The following CRAMP1 variants were observed in gnomAD, a reference collection of about 807,000 sequenced individuals.
The protein encoded by CRAMP1 is cramped chromatin regulator 1, also known as protein cramped-like.
Under a neutral mutation model 115.4 loss-of-function variants are expected in CRAMP1, and 50 were observed. That is an observed-to-expected ratio of 0.43 (90% CI 0.35 to 0.55). CRAMP1 has a LOEUF of 0.55. Ranked by LOEUF, CRAMP1 falls within the 20% of genes least tolerant of loss-of-function variation. The pLI, the probability that CRAMP1 is intolerant of heterozygous loss-of-function variation, is 0.01. For missense variants in CRAMP1, 1,679 were observed against 1,721.7 expected (o/e 0.98, Z 0.44); for synonymous variants, 866 against 745.4 (o/e 1.16, Z -2.64).
At chr16:1,653,389 G>A (rs543748333) in intron 8 of CRAMP1, among the ~76,000 whole-genome samples, 15 of 152,302 alleles carry the variant, frequency 9.8e-5, no homozygotes, top group Non-Finnish European at 1.6e-4. Context: ...AGGGGATGTC[G>A]CGGTGAGAAG....
chr16:1,648,084 T>C (rs1377383094), intron 6 of CRAMP1, among the ~76,000 whole-genome samples: 2 of 151,314 alleles, frequency 1.3e-5, no homozygotes, highest in Non-Finnish European at 2.9e-5. Context: ...AATGGTTCCA[T>C]ATGAATGCAG....
At chr16:1,673,082 T>C (rs1055900782) in intron 20 of CRAMP1, among the ~76,000 whole-genome samples, 20 of 151,936 alleles carry the variant, frequency 1.3e-4, no homozygotes, top group African/African-American at 4.1e-4. Context: ...CCACCTGTCC[T>C]CATTTCTCTG....
intron 9 of CRAMP1, 43 bp from the exon 10 acceptor site, chr16:1,655,834 C>A (rs778427945): frequency 1.3e-6 from 2 of 1,571,208 alleles, no homozygotes; most frequent in Non-Finnish European, 1.7e-6. Flanking sequence ...AGCATCCCGA[C>A]CTCAGTGCTA....
intron 12 of CRAMP1, 43 bp from the exon 13 acceptor site, chr16:1,662,718 C>T (rs373712003): frequency 6.2e-7 from 1 of 1,613,742 alleles, no homozygotes. Context: ...TCCCCGTGGT[C>T]TGGAGAGTGC....
At chr16:1,635,117 T>TG (rs2036577078) in intron 4 of CRAMP1, among the ~76,000 whole-genome samples, 1 of 152,172 alleles carries the variant, frequency 6.6e-6, no homozygotes, top group Admixed American at 6.5e-5. Flanking sequence ...AAGCTGGTCT[T>TG]GAACTCCTGA....
In CRAMP1 at chr16:1,612,733, CG is replaced by C. The variant is rs372565292; in HGVS notation, c.-2+84del. ...TCCTGTCGGGCGGCGCGGGAGAGCGCGGGGGGGGCGTCGCTTCCACAGCGCC... is the reference window on the plus strand; with the variant it reads ...TCCTGTCGGGCGGCGCGGGAGAGCGCGGGGGGGCGTCGCTTCCACAGCGCC... On this transcript the variant is annotated intron_variant, in intron 1 of 20. Transcript: ENST00000397412. Among the ~76,000 whole-genome samples, 28 of 151,110 alleles carry C rather than the reference CG, an allele frequency of 1.9e-4. No homozygotes were observed. In the South Asian group the frequency reaches 2.7e-3, roughly 15 times the overall value.
chr16:1,639,618 CT>C (rs2036615617), intron 5 of CRAMP1, among the ~76,000 whole-genome samples: 2 of 152,110 alleles, frequency 1.3e-5, no homozygotes, highest in South Asian at 4.1e-4. Context: ...ACTTTTTAGA[CT>C]TTTTCAAACC....
intron 7 of CRAMP1, 80 bp from the exon 8 acceptor site, chr16:1,652,953 C>CTGGTTTTTCTGGCCCAGCCCT: frequency 6.4e-7 from 1 of 1,554,998 alleles, no homozygotes; most frequent in Non-Finnish European, 8.8e-7. Flanking sequence ...GCTGATTTCA[C>CTGGTTTTTCTGGCCCAGCCCT]TGGTTTTTCT....
In CRAMP1 at chr16:1,671,686, C is replaced by G. The variant is rs1435260130; in HGVS notation, c.3645+877C>G. Among the ~76,000 whole-genome samples, 1 of 152,164 alleles carries G rather than the reference C, an allele frequency of 6.6e-6. No homozygotes were observed. The highest frequency in any genetic ancestry group is 1.5e-5 in the Non-Finnish European group (1 of 68,018). On this transcript the variant is annotated intron_variant, in intron 20 of 20. Transcript: ENST00000397412. The surrounding 1 kb of genome is among the most constrained non-coding windows in gnomAD (Gnocchi z 5.0). ...AGTCCCCACAATGTTGAGACATTGG[C>G]AGGTGTTCCTTGAGGATTTTGTGGG... is the stretch of plus-strand genomic sequence containing the variant.
At position 1,656,371 on chromosome 16, in the gene CRAMP1, A is replaced by G. The variant is rs1439511086; in HGVS notation, c.1614A>G (p.Pro538=). ...GCAGGGACAGTCCCACCCGGGAGCC[A>G]GGGGCCTTGCCGTGTGCCTGTGGCC... ...AEGRDSPTRE[P]GALPCACGQL... The change falls in exon 10 of 21, where the codon CCA becomes CCG. Residue 538 remains proline, a synonymous_variant. Coordinates refer to ENST00000397412, the MANE Select transcript of CRAMP1 (RefSeq NM_020825.4). This position sits in a 1 kb window ranked among gnomAD's most constrained non-coding sequence, Gnocchi z 5.6. The G allele has an allele frequency of 6.2e-7, 1 of 1,600,598 alleles. No homozygotes were observed. The highest frequency in any genetic ancestry group is 1.3e-5 in the African/African-American group (1 of 74,572).
At position 1,673,687 on chromosome 16, in the gene CRAMP1, G is replaced by A. The variant is rs200342699; in HGVS notation, c.3646-194G>A. ...GCCAGGCACATCATAGGCTCTCTGC[G>A]AGCACTTATCTAAAGAGTGTGCGGG... On this transcript the variant is annotated intron_variant, in intron 20 of 20. Transcript: ENST00000397412. Among the ~76,000 whole-genome samples, 17 of 152,298 alleles carry A rather than the reference G, an allele frequency of 1.1e-4. No homozygotes were observed. The East Asian group carries it at 1.9e-3, about 17-fold the overall frequency.
chr16:1,661,657 G>A (rs1044475081), intron 11 of CRAMP1, among the ~76,000 whole-genome samples: 4 of 150,030 alleles, frequency 2.7e-5, no homozygotes, highest in Non-Finnish European at 5.9e-5. Flanking sequence ...GTGCAGTGGC[G>A]TGATCTCAGC....
At chr16:1,627,640 G>A (rs969016910) in intron 3 of CRAMP1, among the ~76,000 whole-genome samples, 1 of 152,338 alleles carries the variant, frequency 6.6e-6, no homozygotes, top group East Asian at 1.9e-4. Context: ...CAGGTGGACC[G>A]GACTGCCGTG....
chr16:1,648,420 A>G (rs2142192071), intron 6 of CRAMP1, among the ~76,000 whole-genome samples: 1 of 152,002 alleles, frequency 6.6e-6, no homozygotes, highest in South Asian at 2.1e-4. Flanking sequence ...CCTGGCCAAC[A>G]TGGAGAAACC....
chr16:1,632,328 C>T lies in CRAMP1; in HGVS notation c.657C>T (p.Thr219=), dbSNP rs1490705194. 5.0e-6 allele frequency: 8 copies of T among 1,599,890 alleles called. No individual in the cohort carries two copies. The highest frequency in any genetic ancestry group is 6.0e-6 in the Non-Finnish European group (7 of 1,173,706). ...AGGTCCGCCACTTCTACTACCGCAC[C>T]TGGCACAAGATCACCAAGTACATCG... ...KEQVRHFYYR[T]WHKITKYIDF... Residue 219 remains threonine (T), a synonymous_variant, in exon 4 of 21, where the codon ACC becomes ACT. Coordinates refer to ENST00000397412, the MANE Select transcript of CRAMP1 (RefSeq NM_020825.4).
In CRAMP1 at chr16:1,668,185, G is replaced by C; in HGVS notation, c.3326G>C (p.Gly1109Ala). The change falls in exon 18 of 21, where the codon GGT (glycine) becomes GCT (alanine). Residue 1109 changes from glycine to alanine, a missense_variant. By Grantham distance (60) the Gly-to-Ala change is moderately conservative. Around this residue, in one of 8 missense-constraint regions of CRAMP1, gnomAD observed 709 missense variants for 741.9 expected, o/e 0.96. Transcript: ENST00000397412. Reference sequence around the variant, plus strand: ...ATCATTGAGATCGCCATCAGCTCCGGTCAGTACGGTAAGGGCAGGGCGGCC... The same window carrying C: ...ATCATTGAGATCGCCATCAGCTCCGCTCAGTACGGTAAGGGCAGGGCGGCC... ...DSIIEIAISS[G>A]QYGEGVPLSP... 6.2e-7 allele frequency: 1 copy of C among 1,612,800 alleles called. No individual in the cohort carries two copies. Among genetic ancestry groups the C allele is most frequent in the East Asian group, 2.2e-5 (1 of 44,898 alleles).
intron 3 of CRAMP1, among the ~76,000 whole-genome samples, chr16:1,630,704 T>G (rs1439730119): frequency 6.6e-6 from 1 of 152,214 alleles, no homozygotes; most frequent in Non-Finnish European, 1.5e-5. Context: ...CTGGGACAGC[T>G]CCTGGGTTTT....
intron 2 of CRAMP1, among the ~76,000 whole-genome samples, chr16:1,624,523 G>A (rs1486058265): frequency 6.6e-6 from 1 of 150,450 alleles, no homozygotes; most frequent in African/African-American, 2.5e-5. Context: ...AAGCAATTCA[G>A]TTCTCCTGCC....
At chr16:1,659,820 C>A in intron 10 of CRAMP1, 66 bp from the exon 11 acceptor site, 1 of 1,456,028 alleles carries the variant, frequency 6.9e-7, no homozygotes. Context: ...CCTCCTACTC[C>A]AGGGCACGCA....
Sources: gnomAD v4.1 joint callset for allele counts (sites outside exome capture counted in the v4.1 genomes callset) on GRCh38, gnomAD v4.1.1 for gene constraint, gnomAD v4.1.1 regional missense constraint, Gnocchi (gnomAD v3.1) non-coding constraint, MANE v1.5 for transcripts, NCBI Gene and HGNC (gene_info 2026-07-23, HGNC 2026-07-21) for gene names.